RALYL: variants seen among roughly 807,000 people sequenced by gnomAD.
RALYL encodes the protein RALY RNA binding protein like, also known as RNA-binding Raly-like protein.
A neutral mutation model predicts 35.1 loss-of-function variants in RALYL; 29 were observed. The ratio of observed to expected loss-of-function variants is 0.83; its 90% confidence interval spans 0.61 to 1.13. The LOEUF (loss-of-function observed/expected upper bound fraction) is 1.13. Among genes scored for constraint, RALYL ranks in the 50% most tolerant of loss-of-function variants. The pLI is 0.00. For missense variants in RALYL, 359 were observed against 360.4 expected (o/e 1.00, Z 0.03); for synonymous variants, 120 against 127.6 (o/e 0.94, Z 0.40).
intron 1 of RALYL, among the ~76,000 whole-genome samples, chr8:84,397,994 CTT>C (rs1261940347): frequency 6.6e-6 from 1 of 152,150 alleles, no homozygotes; most frequent in Non-Finnish European, 1.5e-5. Context: ...ACAAATTTCA[CTT>C]GAGGTAAATA....
chr8:84,512,859 G>T (rs771201550), intron 1 of RALYL, among the ~76,000 whole-genome samples: 1 of 151,980 alleles, frequency 6.6e-6, no homozygotes, highest in Non-Finnish European at 1.5e-5. Context: ...TTATTTCTGG[G>T]TTATCAATAT....
At chr8:84,815,815 C>T (rs1312284586) in intron 4 of RALYL, among the ~76,000 whole-genome samples, 1 of 151,742 alleles carries the variant, frequency 6.6e-6, no homozygotes, top group Non-Finnish European at 1.5e-5. Context: ...GCAGGCAGAT[C>T]ACGAGGTCAG....
chr8:84,621,389 C>G (rs987740448), intron 2 of RALYL, among the ~76,000 whole-genome samples: 2 of 152,178 alleles, frequency 1.3e-5, no homozygotes, highest in African/African-American at 4.8e-5. Context: ...CTTTCTTTGA[C>G]TAGGAAAGGG....
chr8:84,645,126 A>G (rs982115429), intron 2 of RALYL, among the ~76,000 whole-genome samples: 2 of 152,014 alleles, frequency 1.3e-5, no homozygotes, highest in Admixed American at 6.6e-5. Flanking sequence ...TTATTATTAA[A>G]TGAATACATC....
chr8:84,744,654 A>G (rs1452434231), intron 2 of RALYL, among the ~76,000 whole-genome samples: 1 of 152,014 alleles, frequency 6.6e-6, no homozygotes, highest in East Asian at 1.9e-4. Flanking sequence ...AACTACTCAC[A>G]AAAAGACCAA....
At chr8:84,734,013 T>C (rs1407464741) in intron 2 of RALYL, among the ~76,000 whole-genome samples, 1 of 152,326 alleles carries the variant, frequency 6.6e-6, no homozygotes, top group Non-Finnish European at 1.5e-5. Context: ...TTGTTGCAAA[T>C]ATACACAACC....
At chr8:84,392,999 G>A (rs1563842094) in intron 1 of RALYL, among the ~76,000 whole-genome samples, 1 of 152,046 alleles carries the variant, frequency 6.6e-6, no homozygotes, top group Non-Finnish European at 1.5e-5. Context: ...GGTACAGAAA[G>A]CCAAATAAAA....
chr8:84,716,601 C>G (rs1458248389), intron 2 of RALYL, among the ~76,000 whole-genome samples: 2 of 152,124 alleles, frequency 1.3e-5, no homozygotes, highest in East Asian at 3.8e-4. Flanking sequence ...TCACTTGTAA[C>G]ATAGATGATA....
intron 2 of RALYL, among the ~76,000 whole-genome samples, chr8:84,541,945 T>C (rs2060041406): frequency 6.6e-6 from 1 of 152,114 alleles, no homozygotes; most frequent in Non-Finnish European, 1.5e-5. Context: ...TGTGTCTTAA[T>C]ATTTAAAGTG....
intron 1 of RALYL, among the ~76,000 whole-genome samples, chr8:84,472,698 A>G (rs1477301124): frequency 6.6e-6 from 1 of 152,170 alleles, no homozygotes; most frequent in Admixed American, 6.6e-5. Context: ...CTGAAAAAAA[A>G]AGTAGACAAG....
intron 2 of RALYL, among the ~76,000 whole-genome samples, chr8:84,626,149 A>G (rs1159388917): frequency 6.6e-6 from 1 of 152,230 alleles, no homozygotes; most frequent in Non-Finnish European, 1.5e-5. Flanking sequence ...AACACTCAGT[A>G]CTATAGTTTG....
At chr8:84,324,446 A>G (rs1845430056) in intron 1 of RALYL, among the ~76,000 whole-genome samples, 1 of 151,904 alleles carries the variant, frequency 6.6e-6, no homozygotes, top group Admixed American at 6.6e-5. Flanking sequence ...TTTAGAACCA[A>G]CCTCGTGGAG....
At chr8:84,701,697 TGC>T (rs1840231022) in intron 2 of RALYL, among the ~76,000 whole-genome samples, 1 of 152,152 alleles carries the variant, frequency 6.6e-6, no homozygotes, top group East Asian at 1.9e-4. Context: ...TCACCCCTGC[TGC>T]AGAGCTGAGA....
intron 2 of RALYL, among the ~76,000 whole-genome samples, chr8:84,765,059 G>A (rs181249500): frequency 6.6e-6 from 1 of 152,248 alleles, no homozygotes; most frequent in Non-Finnish European, 1.5e-5. Flanking sequence ...TGTAGCTCTT[G>A]TAAACCACAG....
At chr8:84,186,691 G>A (rs1353859342) in intron 1 of RALYL, among the ~76,000 whole-genome samples, 1 of 152,110 alleles carries the variant, frequency 6.6e-6, no homozygotes, top group African/African-American at 2.4e-5. Context: ...AGAGGTAGTT[G>A]TGCTTTAATT....
At chr8:84,425,830 G>A (rs572299775) in intron 1 of RALYL, among the ~76,000 whole-genome samples, 25 of 138,016 alleles carry the variant, frequency 1.8e-4, no homozygotes, top group African/African-American at 6.8e-4. Flanking sequence ...TGTGTAAGTT[G>A]CTTGAAAGGT....
At chr8:84,711,947 A>G (rs1241466450) in intron 2 of RALYL, among the ~76,000 whole-genome samples, 1 of 152,142 alleles carries the variant, frequency 6.6e-6, no homozygotes, top group Non-Finnish European at 1.5e-5. Context: ...TTAAGTGTTG[A>G]TCTTTTTTGT....
chr8:84,452,123 C>T (rs1385103742), intron 1 of RALYL, among the ~76,000 whole-genome samples: 1 of 151,852 alleles, frequency 6.6e-6, no homozygotes, highest in Non-Finnish European at 1.5e-5. Context: ...TCCATACATG[C>T]TTTTTAACAA....
chr8:84,486,352 T>G (rs60690494), intron 1 of RALYL, among the ~76,000 whole-genome samples: 9,627 of 151,456 alleles, frequency 0.064, 311 homozygotes, highest in East Asian at 0.14. Flanking sequence ...CTTAATATTT[T>G]AAAATTATAT....
Sources: gnomAD v4.1 joint callset for allele counts (sites outside exome capture counted in the v4.1 genomes callset) on GRCh38, gnomAD v4.1.1 for gene constraint, MANE v1.5 for transcripts, NCBI Gene and HGNC (gene_info 2026-07-23, HGNC 2026-07-21) for gene names.